Variants in PRM1 observed in about 807,000 individuals in gnomAD.
The protein encoded by PRM1 is sperm protamine P1.
PRM1 carries 4 observed loss-of-function variants against 4.8 expected under a neutral mutation model. The ratio of observed to expected loss-of-function variants is 0.83; its 90% confidence interval spans 0.41 to 1.91. PRM1 has a LOEUF of 1.91. Ranked by LOEUF, PRM1 falls within the 40% of genes most tolerant of loss-of-function variation. The pLI is 0.03. For synonymous variants in PRM1, 29 were observed against 22.7 expected, an observed-to-expected ratio of 1.28 and a Z score of -0.79; for missense variants, 88 against 75.7, an observed-to-expected ratio of 1.16 and a Z score of -0.61.
At position 11,280,881 on chromosome 16, in the gene PRM1, G is replaced by T; in HGVS notation, c.*111C>A. The T allele has an allele frequency of 8.2e-7, 1 of 1,217,934 alleles. No homozygotes were observed. The highest frequency in any genetic ancestry group is 1.2e-6 in the Non-Finnish European group (1 of 817,928). The allele number at this position is 1,217,934 out of a possible 1,614,324, so 75.4% of individuals were successfully genotyped here. A position where few individuals can be genotyped will look rare whatever the true frequency, so the allele number is the denominator to read the frequency against. On this transcript the variant is annotated 3_prime_UTR_variant, in exon 2 of 2. Coordinates refer to ENST00000312511, the MANE Select transcript of PRM1 (RefSeq NM_002761.3). Reference sequence around the variant, plus strand: ...TATTGACAGGCGGCATTGTTCCTTAGCAGGCTCCTGATTTTTATTGGATGG... The same window carrying T: ...TATTGACAGGCGGCATTGTTCCTTATCAGGCTCCTGATTTTTATTGGATGG...
In PRM1 at chr16:11,281,275, G is replaced by T. The variant is rs766583010; in HGVS notation, c.-37C>A. 12 of 1,595,832 alleles carry T rather than the reference G, an allele frequency of 7.5e-6. No homozygotes were observed. Among genetic ancestry groups the T allele is most frequent in the African/African-American group, 1.3e-5 (1 of 74,572 alleles). On this transcript the variant is annotated 5_prime_UTR_variant, in exon 1 of 2. Transcript: ENST00000312511. ...GGCTTGGCCTGAATGCTCAGAGCAG[G>T]GCACCACCTTGGCTGAGCCAGCCAA... is the stretch of plus-strand genomic sequence containing the variant.
chr16:11,280,962 G>A lies in PRM1; in HGVS notation c.*30C>T, dbSNP rs758230513. On this transcript the variant is annotated 3_prime_UTR_variant, in exon 2 of 2. Transcript: ENST00000312511. ...TGAAGTCTGGTAACATTCTCAGGCA[G>A]GAGTTTGGTGGATGTGCTATTTTGT... 1 of 1,602,162 alleles carries A rather than the reference G, an allele frequency of 6.2e-7. No homozygotes were observed. Among genetic ancestry groups the A allele is most frequent in the South Asian group, 1.1e-5 (1 of 90,900 alleles).
rs979622750 is a variant in PRM1 at position 11,281,183 on chromosome 16, C to T, written c.56G>A (p.Arg19Lys). The change falls in exon 1 of 2, where the codon AGA becomes AAA. Residue 19 changes from arginine (R) to lysine (K), a missense_variant. Transcript: ENST00000312511. ...SQSRSRYYRQ[R>K]QRSRRRRRRS... ...CCTCCTTCGTCTGCGACTTCTTTGT[C>T]TCTGGCGGTAATATCTGCTCCGGCT... 2 of 1,614,092 alleles carry T rather than the reference C, an allele frequency of 1.2e-6. No homozygotes were observed. Among genetic ancestry groups the T allele is most frequent in the Non-Finnish European group, 8.5e-7 (1 of 1,180,056 alleles).
rs541601014 is a variant in PRM1 at position 11,280,873 on chromosome 16, G to T, written c.*119C>A. 4 of 1,167,100 alleles carry T rather than the reference G, an allele frequency of 3.4e-6. No individual in the cohort carries two copies. The highest frequency in any genetic ancestry group is 2.3e-5 in the East Asian group (1 of 42,962). 72.3% of individuals were successfully genotyped at this position (1,167,100 alleles called of 1,614,324 possible). ...TCAACATTTATTGACAGGCGGCATT[G>T]TTCCTTAGCAGGCTCCTGATTTTTA... On this transcript the variant is annotated 3_prime_UTR_variant, in exon 2 of 2. Transcript: ENST00000312511.
rs752457770 is a variant in PRM1 at position 11,281,217 on chromosome 16, G to T, written c.22C>A (p.Arg8Ser). ...TAATATCTGCTCCGGCTCTGGCTGC[G>T]ACAGCATCTGTACCTGGCCATGGTG... MARYRCCRSQSRSRYYRQ... is the reference protein window; with the variant it reads MARYRCCSSQSRSRYYRQ... Residue 8 changes from arginine (R) to serine (S), a missense_variant, in exon 1 of 2, where the codon CGC becomes AGC. Transcript: ENST00000312511. The T allele has an allele frequency of 6.2e-7, 1 of 1,614,072 alleles. No homozygotes were observed. Among genetic ancestry groups the T allele is most frequent in the South Asian group, 1.1e-5 (1 of 91,072 alleles).
Position 11,280,925 on chromosome 16 carries a change from GCA to G in PRM1, c.*65_*66del. 3 of 1,513,822 alleles carry G rather than the reference GCA, an allele frequency of 2.0e-6. No homozygotes were observed. Among genetic ancestry groups the G allele is most frequent in the Non-Finnish European group, 1.8e-6 (2 of 1,088,152 alleles). The allele number at this position is 1,513,822 out of a possible 1,614,324, so 93.8% of individuals were successfully genotyped here. On this transcript the variant is annotated 3_prime_UTR_variant, in exon 2 of 2. Coordinates refer to ENST00000312511, the MANE Select transcript of PRM1 (RefSeq NM_002761.3). Reference sequence around the variant, plus strand: ...TGGATGGTGGCATTTTCAAGATGTGGCAAGAGGATCTTGAAGTCTGGTAACAT... The same window carrying G: ...TGGATGGTGGCATTTTCAAGATGTGGAGAGGATCTTGAAGTCTGGTAACAT...
At position 11,281,200 on chromosome 16, in the gene PRM1, G is replaced by A. The variant is rs1001106297; in HGVS notation, c.39C>T (p.Ser13=). The A allele has an allele frequency of 1.9e-6, 3 of 1,614,140 alleles. No individual in the cohort carries two copies. The highest frequency in any genetic ancestry group is 1.7e-6 in the Non-Finnish European group (2 of 1,180,044). The change falls in exon 1 of 2, where the codon AGC becomes AGT. Residue 13 remains serine (S), a synonymous_variant. Transcript: ENST00000312511. ...TTCTTTGTCTCTGGCGGTAATATCT[G>A]CTCCGGCTCTGGCTGCGACAGCATC... ...RYRCCRSQSR[S]RYYRQRQRSR...
At chr16:11,281,103 C>T in intron 1 of PRM1, 24 bp downstream of exon 1, 1 of 1,613,678 alleles carries the variant, frequency 6.2e-7, no homozygotes, top group African/African-American at 1.3e-5. Context: ...CAGCCCCAGC[C>T]CACCCTCAGC....
chr16:11,281,225 C>T lies in PRM1; in HGVS notation c.14G>A (p.Arg5Lys), dbSNP rs756717520. The stretch of plus-strand genomic sequence containing the variant: ...GCTCCGGCTCTGGCTGCGACAGCAT[C>T]TGTACCTGGCCATGGTGCAGGATGG... MARY[R>K]CCRSQSRSRY... is the part of the protein sequence containing the mutation. Residue 5 changes from arginine to lysine, a missense_variant, in exon 1 of 2, where the codon AGA becomes AAA. Coordinates refer to ENST00000312511, the MANE Select transcript of PRM1 (RefSeq NM_002761.3). The T allele has an allele frequency of 2.5e-6, 4 of 1,613,984 alleles. No homozygotes were observed. In the Admixed American group the frequency reaches 5.0e-5, roughly 20 times the overall value.
chr16:11,280,966 T>A lies in PRM1; in HGVS notation c.*26A>T. 6.2e-7 allele frequency: 1 copy of A among 1,604,732 alleles called. No homozygotes were observed. Among genetic ancestry groups the A allele is most frequent in the South Asian group, 1.1e-5 (1 of 90,896 alleles). On this transcript the variant is annotated 3_prime_UTR_variant, in exon 2 of 2. Transcript: ENST00000312511. ...GTCTGGTAACATTCTCAGGCAGGAG[T>A]TTGGTGGATGTGCTATTTTGTGCAA...
At position 11,281,258 on chromosome 16, in the gene PRM1, C is replaced by T; in HGVS notation, c.-20G>A. The T allele has an allele frequency of 1.2e-6, 2 of 1,610,316 alleles. No homozygotes were observed. The highest frequency in any genetic ancestry group is 8.5e-7 in the Non-Finnish European group (1 of 1,177,114). ...GGCCATGGTGCAGGATGGGCTTGGC[C>T]TGAATGCTCAGAGCAGGGCACCACC... On this transcript the variant is annotated 5_prime_UTR_variant, in exon 1 of 2. Coordinates refer to ENST00000312511, the MANE Select transcript of PRM1 (RefSeq NM_002761.3).
Position 11,281,276 on chromosome 16 carries a change from G to C in PRM1, c.-38C>G. The C allele has an allele frequency of 1.3e-6, 2 of 1,586,512 alleles. No homozygotes were observed. The highest frequency in any genetic ancestry group is 1.7e-6 in the Non-Finnish European group (2 of 1,156,500). On this transcript the variant is annotated 5_prime_UTR_variant, in exon 1 of 2. Coordinates refer to ENST00000312511, the MANE Select transcript of PRM1 (RefSeq NM_002761.3). ...GCTTGGCCTGAATGCTCAGAGCAGGGCACCACCTTGGCTGAGCCAGCCAAC... is the reference window on the plus strand; with the variant it reads ...GCTTGGCCTGAATGCTCAGAGCAGGCCACCACCTTGGCTGAGCCAGCCAAC...
Position 11,281,308 on chromosome 16 carries a change from G to T in PRM1, c.-70C>A. On this transcript the variant is annotated 5_prime_UTR_variant, in exon 1 of 2. Coordinates refer to ENST00000312511, the MANE Select transcript of PRM1 (RefSeq NM_002761.3). ...CTTGGCTGAGCCAGCCAACCTGTGA[G>T]CAGGTGGAACTCTGTGGGCTGTGAG... is the stretch of plus-strand genomic sequence containing the variant. The T allele has an allele frequency of 7.3e-7, 1 of 1,361,984 alleles. No homozygotes were observed. Among genetic ancestry groups the T allele is most frequent in the Non-Finnish European group, 1.0e-6 (1 of 955,332 alleles). 84.4% of individuals were successfully genotyped at this position (1,361,984 alleles called of 1,614,324 possible). A position where few individuals can be genotyped will look rare whatever the true frequency, so the allele number is the denominator to read the frequency against.
At position 11,280,889 on chromosome 16, in the gene PRM1, C is replaced by T. The variant is rs2069941550; in HGVS notation, c.*103G>A. On this transcript the variant is annotated 3_prime_UTR_variant, in exon 2 of 2. Coordinates refer to ENST00000312511, the MANE Select transcript of PRM1 (RefSeq NM_002761.3). ...GGCGGCATTGTTCCTTAGCAGGCTC[C>T]TGATTTTTATTGGATGGTGGCATTT... The T allele has an allele frequency of 1.5e-6, 2 of 1,322,636 alleles. No homozygotes were observed. The highest frequency in any genetic ancestry group is 1.4e-5 in the African/African-American group (1 of 69,430). 81.9% of individuals were successfully genotyped at this position (1,322,636 alleles called of 1,614,324 possible).
rs369075574 is a variant in PRM1, at chr16:11,281,283, C to T, written c.-45G>A. ...CTGAATGCTCAGAGCAGGGCACCAC[C>T]TTGGCTGAGCCAGCCAACCTGTGAG... On this transcript the variant is annotated 5_prime_UTR_variant, in exon 1 of 2. Transcript: ENST00000312511. 402 of 1,569,418 alleles carry T rather than the reference C, an allele frequency of 2.6e-4. 2 individuals carry two copies. The African/African-American group carries it at 4.9e-3, about 19-fold the overall frequency.
At position 11,280,984 on chromosome 16, in the gene PRM1, T is replaced by C. The variant is rs2069942642; in HGVS notation, c.*8A>G. The C allele has an allele frequency of 6.2e-7, 1 of 1,612,488 alleles. No homozygotes were observed. Among genetic ancestry groups the C allele is most frequent in the South Asian group, 1.1e-5 (1 of 91,064 alleles). On this transcript the variant is annotated 3_prime_UTR_variant, in exon 2 of 2. Transcript: ENST00000312511. Reference sequence around the variant, plus strand: ...GCAGGAGTTTGGTGGATGTGCTATTTTGTGCAATTAGTGTCTTCTACATCG... The same window carrying C: ...GCAGGAGTTTGGTGGATGTGCTATTCTGTGCAATTAGTGTCTTCTACATCG...
chr16:11,281,241 T>G lies in PRM1; in HGVS notation c.-3A>C, dbSNP rs373551842. ...CGACAGCATCTGTACCTGGCCATGG[T>G]GCAGGATGGGCTTGGCCTGAATGCT... On this transcript the variant is annotated 5_prime_UTR_variant, in exon 1 of 2. Coordinates refer to ENST00000312511, the MANE Select transcript of PRM1 (RefSeq NM_002761.3). 6.2e-7 allele frequency: 1 copy of G among 1,613,508 alleles called. No individual in the cohort carries two copies. Among genetic ancestry groups the G allele is most frequent in the Non-Finnish European group, 8.5e-7 (1 of 1,179,638 alleles).
Position 11,280,974 on chromosome 16 carries a change from A to C in PRM1, c.*18T>G. ...ACATTCTCAGGCAGGAGTTTGGTGG[A>C]TGTGCTATTTTGTGCAATTAGTGTC... On this transcript the variant is annotated 3_prime_UTR_variant, in exon 2 of 2. Coordinates refer to ENST00000312511, the MANE Select transcript of PRM1 (RefSeq NM_002761.3). 6.2e-7 allele frequency: 1 copy of C among 1,609,982 alleles called. No individual in the cohort carries two copies. Among genetic ancestry groups the C allele is most frequent in the African/African-American group, 1.3e-5 (1 of 74,960 alleles).
In PRM1 at chr16:11,281,256, G is replaced by A. The variant is rs769861818; in HGVS notation, c.-18C>T. The A allele has an allele frequency of 1.2e-6, 2 of 1,609,616 alleles. No homozygotes were observed. The highest frequency in any genetic ancestry group is 1.1e-5 in the South Asian group (1 of 90,998). On this transcript the variant is annotated 5_prime_UTR_variant, in exon 1 of 2. Transcript: ENST00000312511. ...CTGGCCATGGTGCAGGATGGGCTTG[G>A]CCTGAATGCTCAGAGCAGGGCACCA...
Sources: gnomAD v4.1 joint callset for allele counts on GRCh38, gnomAD v4.1.1 for gene constraint, MANE v1.5 for transcripts, NCBI Gene and HGNC (gene_info 2026-07-23, HGNC 2026-07-21) for gene names.